RAP1GDS1: variants seen among roughly 807,000 people sequenced by gnomAD.
RAP1GDS1 encodes the protein RAP1, GTP-GDP dissociation stimulator 1.
Under a neutral mutation model 71.1 loss-of-function variants are expected in RAP1GDS1, and 35 were observed. That is an observed-to-expected ratio of 0.49 (90% CI 0.38 to 0.65). RAP1GDS1 has a LOEUF of 0.65. RAP1GDS1 is among the 30% of genes least tolerant of loss of function. The pLI is 0.00. For synonymous variants in RAP1GDS1, 229 were observed against 243.1 expected (o/e 0.94, Z 0.54); for missense variants, 663 against 706.1 (o/e 0.94, Z 0.69).
intron 2 of RAP1GDS1, among the ~76,000 whole-genome samples, chr4:98,322,566 CTA>C (rs1298223981): frequency 3.0e-5 from 1 of 32,900 alleles, no homozygotes; most frequent in East Asian, 5.9e-4. Context: ...TTATAACAAA[CTA>C]TCTCTCAGAC....
At chr4:98,261,778 GTCGGCCGCGGGCCGGACCGCCGC>G (rs1334351965) in intron 1 of RAP1GDS1, 2 of 522,200 alleles carry the variant, frequency 3.8e-6, no homozygotes, top group Non-Finnish European at 6.0e-6. Context: ...CTGGGGTGGG[GTCGGCCGCGGGCCGGACCGCCGC>G]CCGGCTCCCC....
intron 4 of RAP1GDS1, among the ~76,000 whole-genome samples, chr4:98,375,224 G>C (rs1341787197): frequency 6.6e-6 from 1 of 152,062 alleles, no homozygotes; most frequent in Non-Finnish European, 1.5e-5. Flanking sequence ...GCTTATGGTA[G>C]CATAATTCTA....
rs926916385 is a variant in RAP1GDS1, at chr4:98,396,290, T to G, written c.637+4210T>G. Reference sequence around the variant, plus strand: ...TCATTGGACAAATAAGGAAAAATAATATGAGGACAAAAGCAGAGCACAGTA... The same window carrying G: ...TCATTGGACAAATAAGGAAAAATAAGATGAGGACAAAAGCAGAGCACAGTA... On this transcript the variant is annotated intron_variant, in intron 6 of 14. Transcript: ENST00000408927. 3 of 151,936 alleles carry G rather than the reference T, an allele frequency of 2.0e-5. No individual in the cohort carries two copies. The East Asian group carries it at 5.8e-4, about 29-fold the overall frequency. 9.4% of individuals were successfully genotyped at this position (151,936 alleles called of 1,614,324 possible).
In RAP1GDS1 at chr4:98,430,113, G is replaced by A. The variant is rs567604807; in HGVS notation, c.1441-3823G>A. Reference sequence around the variant, plus strand: ...AACCTCCCACTTCTCGCCCATCCCCGAAAAGAAGAGTTCAAATACCCATCA... The same window carrying A: ...AACCTCCCACTTCTCGCCCATCCCCAAAAAGAAGAGTTCAAATACCCATCA... On this transcript the variant is annotated intron_variant, in intron 12 of 14. Coordinates refer to ENST00000408927, the MANE Select transcript of RAP1GDS1 (RefSeq NM_001100427.2). Among the ~76,000 whole-genome samples, 42 of 152,072 alleles carry A rather than the reference G, an allele frequency of 2.8e-4. No individual in the cohort carries two copies. The South Asian group carries it at 7.9e-3, about 29-fold the overall frequency.
Position 98,443,374 on chromosome 4 carries a change from G to C in RAP1GDS1, c.*1257G>C, listed in dbSNP as rs1025609793. 1 of 231,032 alleles carries C rather than the reference G, an allele frequency of 4.3e-6. No individual in the cohort carries two copies. The highest frequency in any genetic ancestry group is 8.6e-6 in the Non-Finnish European group (1 of 116,814). 14.3% of individuals were successfully genotyped at this position (231,032 alleles called of 1,614,324 possible). A position where few individuals can be genotyped will look rare whatever the true frequency, so the allele number is the denominator to read the frequency against. ...CACTGCCACTGCCACCACCAAATGG[G>C]TTTTTAGAGCTTTGAAACACAATCT... On this transcript the variant is annotated 3_prime_UTR_variant, in exon 15 of 15. Transcript: ENST00000408927.
intron 1 of RAP1GDS1, among the ~76,000 whole-genome samples, chr4:98,273,491 G>A (rs1723780032): frequency 6.6e-6 from 1 of 151,848 alleles, no homozygotes; most frequent in Non-Finnish European, 1.5e-5. Flanking sequence ...TGAAAAGACT[G>A]GAGTTCTTTT....
chr4:98,376,359 A>G (rs1185749721), intron 4 of RAP1GDS1, among the ~76,000 whole-genome samples: 1 of 152,098 alleles, frequency 6.6e-6, no homozygotes, highest in Non-Finnish European at 1.5e-5. Flanking sequence ...TAAGTGAACA[A>G]TAATACTCAT....
At position 98,352,519 on chromosome 4, in the gene RAP1GDS1, A is replaced by C. The variant is rs757984756; in HGVS notation, c.279A>C (p.Pro93=). The C allele has an allele frequency of 3.1e-6, 5 of 1,613,824 alleles. No individual in the cohort carries two copies. Among genetic ancestry groups the C allele is most frequent in the Non-Finnish European group, 3.4e-6 (4 of 1,179,888 alleles). The change falls in exon 4 of 15, where the codon CCA becomes CCC. Residue 93 remains proline (P), a synonymous_variant. Coordinates refer to ENST00000408927, the MANE Select transcript of RAP1GDS1 (RefSeq NM_001100427.2). The stretch of plus-strand genomic sequence containing the variant: ...GTGTGGATGCTGGATTGATTTCACC[A>C]CTGGTGCAGCTGCTAAATAGCAAAG... ...IPCVDAGLIS[P]LVQLLNSKDQ... is the part of the protein sequence containing the mutation.
intron 7 of RAP1GDS1, among the ~76,000 whole-genome samples, chr4:98,412,069 A>AT (rs1204598616): frequency 3.9e-5 from 6 of 152,222 alleles, no homozygotes; most frequent in African/African-American, 1.4e-4. Flanking sequence ...ACACATTAAA[A>AT]TTGCCTGAAA....
chr4:98,382,381 G>A (rs1742141112), intron 5 of RAP1GDS1, among the ~76,000 whole-genome samples: 1 of 151,506 alleles, frequency 6.6e-6, no homozygotes, highest in South Asian at 2.1e-4. Flanking sequence ...TTCACATGGT[G>A]AAAAAGCACT....
At chr4:98,280,884 T>C (rs1272347666) in intron 1 of RAP1GDS1, among the ~76,000 whole-genome samples, 7 of 147,310 alleles carry the variant, frequency 4.8e-5, no homozygotes, top group African/African-American at 1.8e-4. Flanking sequence ...CCCCATTTCT[T>C]GTTTTTCTGA....
At position 98,385,037 on chromosome 4, in the gene RAP1GDS1, A is replaced by T. The variant is rs185858660; in HGVS notation, c.508+5874A>T. ...TTGCTTTATGTCTGGATTGAAGATT[A>T]ATCATAGCCGTTATCAAATATTATT... On this transcript the variant is annotated intron_variant, in intron 5 of 14. Coordinates refer to ENST00000408927, the MANE Select transcript of RAP1GDS1 (RefSeq NM_001100427.2). Among the ~76,000 whole-genome samples the T allele has an allele frequency of 4.3e-3, 649 of 151,750 alleles. 5 individuals carry two copies. Among genetic ancestry groups the T allele is most frequent in the African/African-American group, 0.015 (610 of 41,496 alleles).
chr4:98,263,510 T>A (rs1722312205), intron 1 of RAP1GDS1, among the ~76,000 whole-genome samples: 1 of 152,244 alleles, frequency 6.6e-6, no homozygotes, highest in African/African-American at 2.4e-5. Flanking sequence ...TCTGATACTC[T>A]TTGGTTAATC....
intron 1 of RAP1GDS1, among the ~76,000 whole-genome samples, chr4:98,278,440 A>G (rs1724553105): frequency 6.6e-6 from 1 of 152,250 alleles, no homozygotes; most frequent in Non-Finnish European, 1.5e-5. Flanking sequence ...TTGAAAATTA[A>G]TATTTTAAAA....
intron 14 of RAP1GDS1, among the ~76,000 whole-genome samples, chr4:98,437,270 G>A (rs1294617273): frequency 2.0e-5 from 3 of 152,268 alleles, no homozygotes; most frequent in South Asian, 2.1e-4. Flanking sequence ...TCTTCTAGCT[G>A]TCTTGAAATA....
chr4:98,358,038 A>T (rs925763581), intron 4 of RAP1GDS1, among the ~76,000 whole-genome samples: 4 of 152,032 alleles, frequency 2.6e-5, no homozygotes, highest in Non-Finnish European at 5.9e-5. Flanking sequence ...AATGTGCTTA[A>T]CTGTGTATAA....
rs905921745 is a variant in RAP1GDS1, at chr4:98,386,575, CT to C, written c.509-5364del. On this transcript the variant is annotated intron_variant, in intron 5 of 14. Coordinates refer to ENST00000408927, the MANE Select transcript of RAP1GDS1 (RefSeq NM_001100427.2). ...TATTGTCAATATTAATGAATGTTGG[CT>C]TTTTTTTTTTTTGAAATTTCTATGT... Among the ~76,000 whole-genome samples the C allele has an allele frequency of 5.1e-3, 696 of 136,236 alleles. 2 individuals are homozygous for C. Among genetic ancestry groups the C allele is most frequent in the East Asian group, 0.013 (60 of 4,768 alleles). 89.4% of individuals were successfully genotyped at this position (136,236 alleles called of 152,430 possible). A position where few individuals can be genotyped will look rare whatever the true frequency, so the allele number is the denominator to read the frequency against.
chr4:98,371,177 A>T (rs1740323330), intron 4 of RAP1GDS1, among the ~76,000 whole-genome samples: 1 of 147,136 alleles, frequency 6.8e-6, no homozygotes, highest in Non-Finnish European at 1.5e-5. Context: ...CAGGAGCAGG[A>T]TCTCGGCTTA....
chr4:98,373,815 C>T (rs1740757546), intron 4 of RAP1GDS1, among the ~76,000 whole-genome samples: 1 of 152,124 alleles, frequency 6.6e-6, no homozygotes, highest in East Asian at 1.9e-4. Context: ...AGCATCACTG[C>T]TCTTACACTT....
Sources: gnomAD v4.1 joint callset for allele counts (sites outside exome capture counted in the v4.1 genomes callset) on GRCh38, gnomAD v4.1.1 for gene constraint, MANE v1.5 for transcripts, NCBI Gene and HGNC (gene_info 2026-07-23, HGNC 2026-07-21) for gene names.